The following CCDC192 variants were observed in gnomAD, a reference collection of about 807,000 sequenced individuals.
CCDC192 encodes the protein coiled-coil domain containing 192, also known as coiled-coil domain-containing protein 192.
chr5:127,922,347 ATTAT>A (rs1753745953), intron 6 of CCDC192, among the ~76,000 whole-genome samples: 2 of 152,178 alleles, frequency 1.3e-5, no homozygotes, highest in African/African-American at 2.4e-5. Flanking sequence ...GCCTCTGTTT[ATTAT>A]TTATTTATTT....
intron 6 of CCDC192, among the ~76,000 whole-genome samples, chr5:127,901,582 G>A (rs1753038198): frequency 6.6e-6 from 1 of 152,164 alleles, no homozygotes; most frequent in Non-Finnish European, 1.5e-5. Context: ...CCTGAGGGAT[G>A]GAGAGAAGAG....
chr5:127,779,127 C>T (rs1463783027), intron 3 of CCDC192, among the ~76,000 whole-genome samples: 1 of 151,876 alleles, frequency 6.6e-6, no homozygotes, highest in Non-Finnish European at 1.5e-5. Flanking sequence ...CTGCTTTAAC[C>T]TTTATTATAT....
At chr5:127,927,976 T>C (rs895004710) in intron 6 of CCDC192, among the ~76,000 whole-genome samples, 1 of 145,712 alleles carries the variant, frequency 6.9e-6, no homozygotes. Context: ...AGTCTCACTC[T>C]GAGTGAAGTG....
intron 5 of CCDC192, among the ~76,000 whole-genome samples, chr5:127,850,124 G>C (rs966407088): frequency 1.1e-4 from 16 of 152,272 alleles, no homozygotes; most frequent in Admixed American, 6.5e-4. Flanking sequence ...TGAATCTGTC[G>C]CTTCTTTGCA....
At chr5:127,714,852 G>T (rs1331833866) in intron 2 of CCDC192, among the ~76,000 whole-genome samples, 1 of 152,068 alleles carries the variant, frequency 6.6e-6, no homozygotes, top group Non-Finnish European at 1.5e-5. Flanking sequence ...TCTTATTGTG[G>T]TTTTGATTTG....
chr5:127,776,649 C>T (rs150690333), intron 3 of CCDC192, among the ~76,000 whole-genome samples: 306 of 152,326 alleles, frequency 2.0e-3, no homozygotes, highest in African/African-American at 6.2e-3. Context: ...TTCCATCACA[C>T]GCATGGAGGC....
intron 6 of CCDC192, among the ~76,000 whole-genome samples, chr5:127,879,085 A>G (rs1014413864): frequency 9.2e-5 from 14 of 151,836 alleles, no homozygotes; most frequent in African/African-American, 3.1e-4. Context: ...GAAGTTGCTT[A>G]TCAGCTTAAG....
At chr5:127,737,241 T>C (rs1478378477) in intron 2 of CCDC192, among the ~76,000 whole-genome samples, 1 of 152,156 alleles carries the variant, frequency 6.6e-6, no homozygotes, top group Non-Finnish European at 1.5e-5. Flanking sequence ...TGAGCGGTTT[T>C]TAGTGAGATT....
chr5:127,740,613 T>A (rs866489597), intron 2 of CCDC192, among the ~76,000 whole-genome samples: 57 of 152,294 alleles, frequency 3.7e-4, no homozygotes, highest in Middle Eastern at 3.4e-3. Context: ...TTAAATTTTT[T>A]AAAAAATTTA....
At chr5:127,719,518 TA>T in intron 2 of CCDC192, among the ~76,000 whole-genome samples, 1 of 117,572 alleles carries the variant, frequency 8.5e-6, no homozygotes, top group Non-Finnish European at 1.6e-5. Context: ...TATATATATA[TA>T]TATATACACA....
intron 5 of CCDC192, among the ~76,000 whole-genome samples, chr5:127,810,684 G>C (rs1185908774): frequency 6.6e-6 from 1 of 152,132 alleles, no homozygotes; most frequent in African/African-American, 2.4e-5. Context: ...GTGCAGGAAG[G>C]CATACTACCT....
chr5:127,849,342 C>A (rs977507350), intron 5 of CCDC192, among the ~76,000 whole-genome samples: 1 of 152,084 alleles, frequency 6.6e-6, no homozygotes, highest in Non-Finnish European at 1.5e-5. Context: ...TCAGCACTCT[C>A]AGCTTAGCAG....
At chr5:127,707,619 T>C in intron 1 of CCDC192, 90 bp from the exon 2 acceptor site, 1 of 394,414 alleles carries the variant, frequency 2.5e-6, no homozygotes, top group Non-Finnish European at 4.5e-6. Context: ...TACAGTGTAA[T>C]GATCTATTCA....
chr5:127,828,544 C>G (rs1399275863), intron 5 of CCDC192, among the ~76,000 whole-genome samples: 3 of 152,162 alleles, frequency 2.0e-5, no homozygotes. Context: ...AGATGATTGC[C>G]TGTGTCTCTT....
intron 6 of CCDC192, among the ~76,000 whole-genome samples, chr5:127,911,102 A>G (rs1055178615): frequency 6.6e-6 from 1 of 152,238 alleles, no homozygotes; most frequent in Non-Finnish European, 1.5e-5. Flanking sequence ...CGGTCAGTCC[A>G]ATTATCAAAT....
intron 5 of CCDC192, among the ~76,000 whole-genome samples, chr5:127,836,008 C>T (rs1232027850): frequency 6.6e-6 from 1 of 152,200 alleles, no homozygotes. Flanking sequence ...AAGTCCAAGT[C>T]TCAAGTTTCA....
intron 1 of CCDC192, among the ~76,000 whole-genome samples, chr5:127,707,033 A>G (rs1751006554): frequency 6.6e-6 from 1 of 152,200 alleles, no homozygotes; most frequent in Non-Finnish European, 1.5e-5. Flanking sequence ...GTTGTGTAAA[A>G]TAATCACTGG....
At chr5:127,784,761 G>C in intron 3 of CCDC192, 1 of 506,128 alleles carries the variant, frequency 2.0e-6, no homozygotes, top group South Asian at 1.6e-5. Flanking sequence ...ACTAACTGCT[G>C]GTGTTTCAAA....
intron 2 of CCDC192, among the ~76,000 whole-genome samples, chr5:127,738,521 A>G (rs1342053362): frequency 6.3e-5 from 9 of 143,242 alleles, no homozygotes; most frequent in Non-Finnish European, 1.2e-4. Context: ...TATCCTGCAG[A>G]GTGTTTTCCA....
Sources: gnomAD v4.1 joint callset for allele counts (sites outside exome capture counted in the v4.1 genomes callset) on GRCh38, gnomAD v4.1.1 for gene constraint, MANE v1.5 for transcripts, NCBI Gene and HGNC (gene_info 2026-07-23, HGNC 2026-07-21) for gene names.